The following KLHL1 variants were observed in gnomAD, a reference collection of about 807,000 sequenced individuals.
KLHL1 encodes kelch-like protein 1.
KLHL1 carries 47 observed loss-of-function variants against 77.7 expected under a neutral mutation model. That is an observed-to-expected ratio of 0.60 (90% CI 0.48 to 0.77). The LOEUF is 0.77. Among genes scored for constraint, KLHL1 ranks in the 30% least tolerant of loss-of-function variants. KLHL1 has a pLI of 0.00. For missense variants in KLHL1, 925 were observed against 910.8 expected (o/e 1.02, Z -0.20); for synonymous variants, 360 against 325.2 (o/e 1.11, Z -1.15).
chr13:69,859,258 CTT>C (rs34612932), intron 5 of KLHL1, among the ~76,000 whole-genome samples: 50 of 143,482 alleles, frequency 3.5e-4, no homozygotes, highest in Middle Eastern at 3.5e-3. Flanking sequence ...CCATTTTGCA[CTT>C]TTTTTTTTTT....
intron 7 of KLHL1, among the ~76,000 whole-genome samples, chr13:69,778,611 T>C (rs572881829): frequency 2.0e-5 from 3 of 152,174 alleles, no homozygotes; most frequent in Middle Eastern, 3.4e-3. Context: ...CATTTTGTGG[T>C]ATAAAATTTT....
chr13:69,898,880 A>G (rs1881747965), intron 4 of KLHL1, among the ~76,000 whole-genome samples: 1 of 152,194 alleles, frequency 6.6e-6, no homozygotes, highest in African/African-American at 2.4e-5. Context: ...GAGACTCACC[A>G]TTGATTATAA....
intron 3 of KLHL1, among the ~76,000 whole-genome samples, chr13:69,955,039 C>T (rs563559996): frequency 3.3e-5 from 5 of 151,112 alleles, no homozygotes; most frequent in Admixed American, 2.0e-4. Context: ...TCTTTGAAGG[C>T]TCAGTCTCTT....
At chr13:69,782,889 A>G (rs952945579) in intron 7 of KLHL1, among the ~76,000 whole-genome samples, 6 of 152,222 alleles carry the variant, frequency 3.9e-5, no homozygotes, top group Non-Finnish European at 7.3e-5. Context: ...ACCCCCGAGC[A>G]GCCTAACTGG....
intron 1 of KLHL1, among the ~76,000 whole-genome samples, chr13:70,023,453 A>G (rs1326694961): frequency 2.0e-5 from 3 of 152,088 alleles, no homozygotes; most frequent in East Asian, 3.9e-4. Context: ...TACTATTTTC[A>G]CCACCAATAA....
At chr13:70,024,290 C>G (rs1485762581) in intron 1 of KLHL1, among the ~76,000 whole-genome samples, 2 of 151,654 alleles carry the variant, frequency 1.3e-5, no homozygotes, top group African/African-American at 4.8e-5. Context: ...TTTCTTAATT[C>G]AAAGAAACCT....
At chr13:69,990,814 A>C (rs1885009788) in intron 1 of KLHL1, among the ~76,000 whole-genome samples, 1 of 152,014 alleles carries the variant, frequency 6.6e-6, no homozygotes, top group Non-Finnish European at 1.5e-5. Context: ...GACCTAATAA[A>C]CATCTCCAGA....
intron 9 of KLHL1, among the ~76,000 whole-genome samples, chr13:69,713,897 C>T (rs1875991823): frequency 6.6e-6 from 1 of 152,114 alleles, no homozygotes; most frequent in African/African-American, 2.4e-5. Context: ...TTTGAGTTCA[C>T]TGTTAATTTT....
chr13:69,979,895 A>C (rs1884658509), intron 1 of KLHL1, among the ~76,000 whole-genome samples: 1 of 152,180 alleles, frequency 6.6e-6, no homozygotes, highest in Non-Finnish European at 1.5e-5. Flanking sequence ...TTTCATACCC[A>C]TGTCTTGAAA....
At chr13:69,832,733 A>G (rs981943321) in intron 6 of KLHL1, among the ~76,000 whole-genome samples, 5 of 152,152 alleles carry the variant, frequency 3.3e-5, no homozygotes, top group Admixed American at 3.3e-4. Flanking sequence ...CCACCAAAAC[A>G]GCATGGTACT....
intron 6 of KLHL1, among the ~76,000 whole-genome samples, chr13:69,835,617 G>T (rs750773534): frequency 9.9e-5 from 15 of 152,160 alleles, no homozygotes; most frequent in Non-Finnish European, 1.9e-4. Context: ...GAAGGCATCT[G>T]CAAAATGTAG....
intron 6 of KLHL1, among the ~76,000 whole-genome samples, chr13:69,834,872 C>G (rs2138101048): frequency 6.6e-6 from 1 of 152,130 alleles, no homozygotes; most frequent in East Asian, 1.9e-4. Context: ...ATTACACTCA[C>G]TATTAGAAGT....
At chr13:69,927,737 T>C (rs1214652382) in intron 4 of KLHL1, among the ~76,000 whole-genome samples, 1 of 152,056 alleles carries the variant, frequency 6.6e-6, no homozygotes, top group Non-Finnish European at 1.5e-5. Context: ...CTATAATCAA[T>C]AAAAAACAAC....
intron 1 of KLHL1, among the ~76,000 whole-genome samples, chr13:70,083,339 T>G (rs1231301793): frequency 6.6e-6 from 1 of 152,226 alleles, no homozygotes; most frequent in Non-Finnish European, 1.5e-5. Flanking sequence ...TGTTCTTATT[T>G]CTTTCCTTCT....
At chr13:69,929,282 T>C (rs539225999) in intron 4 of KLHL1, among the ~76,000 whole-genome samples, 3 of 151,988 alleles carry the variant, frequency 2.0e-5, no homozygotes, top group South Asian at 2.1e-4. Flanking sequence ...TTTTCAAGAA[T>C]TGAAATTATT....
chr13:69,834,814 CCTCAGTT>C (rs1878919495), intron 6 of KLHL1, among the ~76,000 whole-genome samples: 1 of 151,754 alleles, frequency 6.6e-6, no homozygotes, highest in African/African-American at 2.4e-5. Flanking sequence ...GCTAATAATC[CCTCAGTT>C]CTAAGGCATG....
At chr13:70,082,477 T>G (rs1302606381) in intron 1 of KLHL1, among the ~76,000 whole-genome samples, 6 of 152,098 alleles carry the variant, frequency 3.9e-5, no homozygotes, top group African/African-American at 1.4e-4. Flanking sequence ...GATGTAGAAC[T>G]AAGACACACT....
intron 1 of KLHL1, among the ~76,000 whole-genome samples, chr13:70,082,074 C>T (rs552169018): frequency 7.0e-4 from 107 of 152,190 alleles, no homozygotes; most frequent in Non-Finnish European, 1.2e-3. Context: ...TTTGCTCTCT[C>T]TTCCTCCTGC....
At chr13:69,846,608 T>C (rs1337683531) in intron 5 of KLHL1, among the ~76,000 whole-genome samples, 2 of 151,450 alleles carry the variant, frequency 1.3e-5, no homozygotes, top group African/African-American at 4.8e-5. Context: ...TCATTTTGGT[T>C]AGAAAAAAAT....
Sources: gnomAD v4.1 joint callset for allele counts (sites outside exome capture counted in the v4.1 genomes callset) on GRCh38, gnomAD v4.1.1 for gene constraint, MANE v1.5 for transcripts, NCBI Gene and HGNC (gene_info 2026-07-23, HGNC 2026-07-21) for gene names.